GREB1L: variants seen among roughly 807,000 people sequenced by gnomAD.
GREB1L encodes GREB1-like protein.
A neutral mutation model predicts 200.8 loss-of-function variants in GREB1L; 17 were observed. The observed-to-expected ratio is 0.08, with a 90% confidence interval of 0.06 to 0.13. GREB1L has a LOEUF of 0.13. Ranked by LOEUF, GREB1L falls within the 10% of genes least tolerant of loss-of-function variation. The pLI is 1.00. For synonymous variants in GREB1L, 789 were observed against 893.0 expected, an observed-to-expected ratio of 0.88 and a Z score of 2.08; for missense variants, 1,657 against 2,367.7, an observed-to-expected ratio of 0.70 and a Z score of 6.23.
intron 1 of GREB1L, among the ~76,000 whole-genome samples, chr18:21,305,198 T>A (rs1476248159): frequency 6.6e-6 from 1 of 152,060 alleles, no homozygotes; most frequent in African/African-American, 2.4e-5. Flanking sequence ...ATGGTCTCGA[T>A]CTCTTGACCT....
chr18:21,363,299 C>CCCAA (rs1555631604), intron 1 of GREB1L, among the ~76,000 whole-genome samples: 1 of 105,576 alleles, frequency 9.5e-6, no homozygotes, highest in East Asian at 3.5e-4. Context: ...CCCCCCCCCC[C>CCCAA]CACACACACA....
At chr18:21,265,463 G>GA (rs2037951750) in intron 1 of GREB1L, among the ~76,000 whole-genome samples, 1 of 152,044 alleles carries the variant, frequency 6.6e-6, no homozygotes, top group Non-Finnish European at 1.5e-5. Flanking sequence ...AAAATGGACG[G>GA]TGATGGGCAT....
intron 2 of GREB1L, among the ~76,000 whole-genome samples, chr18:21,374,850 C>CT (rs535722957): frequency 0.049 from 6,436 of 130,248 alleles, 206 homozygotes; most frequent in Non-Finnish European, 0.077. Context: ...TTTCCTTTTC[C>CT]TTTTTTTTTT....
At chr18:21,331,993 A>G (rs186405511) in intron 1 of GREB1L, among the ~76,000 whole-genome samples, 5 of 152,348 alleles carry the variant, frequency 3.3e-5, no homozygotes, top group Admixed American at 2.0e-4. Flanking sequence ...TAGAGACTCA[A>G]TATATTTCAT....
chr18:21,311,307 G>A (rs2038786363), intron 1 of GREB1L, among the ~76,000 whole-genome samples: 1 of 152,328 alleles, frequency 6.6e-6, no homozygotes, highest in East Asian at 1.9e-4. Flanking sequence ...CATAAAATTT[G>A]GAGATATTCT....
intron 14 of GREB1L, among the ~76,000 whole-genome samples, chr18:21,453,527 T>C (rs553583979): frequency 3.0e-4 from 45 of 152,376 alleles, no homozygotes; most frequent in African/African-American, 1.0e-3. Context: ...TTTAGCTGAC[T>C]AAACTTCTTT....
chr18:21,456,953 C>T (rs1183781457), intron 15 of GREB1L, among the ~76,000 whole-genome samples: 1 of 152,064 alleles, frequency 6.6e-6, no homozygotes, highest in Non-Finnish European at 1.5e-5. Context: ...TTTACTTGTA[C>T]CATTTGGCAT....
intron 1 of GREB1L, among the ~76,000 whole-genome samples, chr18:21,266,001 G>T (rs1397555906): frequency 6.6e-6 from 1 of 152,156 alleles, no homozygotes; most frequent in Non-Finnish European, 1.5e-5. Context: ...GGATCTGGAA[G>T]AAAAGTATTA....
At chr18:21,296,092 A>G (rs1284179509) in intron 1 of GREB1L, among the ~76,000 whole-genome samples, 1 of 152,238 alleles carries the variant, frequency 6.6e-6, no homozygotes, top group Non-Finnish European at 1.5e-5. Context: ...ACCCAAAGGA[A>G]TATAGCTCAT....
chr18:21,466,461 C>G (rs1327284763), intron 15 of GREB1L, among the ~76,000 whole-genome samples: 1 of 151,442 alleles, frequency 6.6e-6, no homozygotes, highest in Non-Finnish European at 1.5e-5. Flanking sequence ...AAAAAAGTTG[C>G]AAAAATAGTA....
intron 1 of GREB1L, among the ~76,000 whole-genome samples, chr18:21,311,627 A>G (rs2038791859): frequency 1.3e-5 from 2 of 152,172 alleles, no homozygotes; most frequent in South Asian, 2.1e-4. Context: ...TATTCTAAAG[A>G]TACTATGCGC....
intron 2 of GREB1L, among the ~76,000 whole-genome samples, chr18:21,379,404 C>G (rs1201288715): frequency 6.6e-6 from 1 of 152,084 alleles, no homozygotes; most frequent in Admixed American, 6.6e-5. Flanking sequence ...GCGGGTTTCT[C>G]CATGTTGGTC....
intron 4 of GREB1L, among the ~76,000 whole-genome samples, chr18:21,391,484 G>T (rs2040802873): frequency 6.6e-6 from 1 of 152,230 alleles, no homozygotes; most frequent in Admixed American, 6.5e-5. Context: ...AGTGATAAAT[G>T]ACTGTATATG....
chr18:21,381,415 G>GAA (rs923221809), intron 2 of GREB1L, among the ~76,000 whole-genome samples: 21 of 95,296 alleles, frequency 2.2e-4, no homozygotes, highest in African/African-American at 7.0e-4. Flanking sequence ...CTCAAAAAAA[G>GAA]AAAAAAAAAA....
At chr18:21,292,543 A>G (rs1388856634) in intron 1 of GREB1L, among the ~76,000 whole-genome samples, 1 of 152,172 alleles carries the variant, frequency 6.6e-6, no homozygotes, top group Non-Finnish European at 1.5e-5. Flanking sequence ...AGTCTTTGGC[A>G]ACCTCTAATA....
At chr18:21,502,850 C>T (rs533734237) in intron 23 of GREB1L, among the ~76,000 whole-genome samples, 17 of 152,300 alleles carry the variant, frequency 1.1e-4, no homozygotes, top group Admixed American at 1.0e-3. Flanking sequence ...TTTTTTTCCT[C>T]AGATCATGCT....
chr18:21,418,320 A>G (rs1360895491), intron 7 of GREB1L, among the ~76,000 whole-genome samples: 1 of 152,162 alleles, frequency 6.6e-6, no homozygotes, highest in Non-Finnish European at 1.5e-5. Context: ...GCAGAAGCTC[A>G]ATTCCCTTAT....
chr18:21,430,913 G>A (rs1282281055), intron 7 of GREB1L, among the ~76,000 whole-genome samples: 1 of 150,038 alleles, frequency 6.7e-6, no homozygotes, highest in Non-Finnish European at 1.5e-5. Context: ...TTTAATATAG[G>A]CATTTACAGC....
At chr18:21,345,271 T>C (rs927633672) in intron 1 of GREB1L, among the ~76,000 whole-genome samples, 6 of 152,220 alleles carry the variant, frequency 3.9e-5, no homozygotes, top group Non-Finnish European at 8.8e-5. Flanking sequence ...TCTCACCTTC[T>C]TTCTCAGGGT....
Sources: allele counts gnomAD v4.1 joint callset (sites outside exome capture counted in the v4.1 genomes callset), GRCh38; gene constraint gnomAD v4.1.1; transcripts MANE v1.5; gene names NCBI Gene and HGNC (gene_info 2026-07-23, HGNC 2026-07-21).